The following IFT88 variants were observed in gnomAD, a reference collection of about 807,000 sequenced individuals.
IFT88 encodes intraflagellar transport 88, also known as intraflagellar transport protein 88 homolog.
In IFT88, 74 loss-of-function variants were observed where a neutral mutation model predicts 119.5. That is an observed-to-expected ratio of 0.62 (90% CI 0.51 to 0.75). The LOEUF (loss-of-function observed/expected upper bound fraction) is 0.75, where lower values mean the gene tolerates loss of function less well. Among genes scored for constraint, IFT88 ranks in the 30% least tolerant of loss-of-function variants. IFT88 has a pLI of 0.00. For missense variants in IFT88, 961 were observed against 977.7 expected (o/e 0.98, Z 0.23); for synonymous variants, 279 against 316.7 (o/e 0.88, Z 1.26).
intron 3 of IFT88, 27 bp from the exon 4 acceptor site, chr13:20,589,784 T>G: frequency 6.5e-7 from 1 of 1,540,126 alleles, no homozygotes; most frequent in South Asian, 1.2e-5. Context: ...CTGAATCCTG[T>G]TAACTATGTT....
intron 24 of IFT88, among the ~76,000 whole-genome samples, chr13:20,684,324 C>T (rs888510684): frequency 2.0e-5 from 3 of 152,158 alleles, no homozygotes; most frequent in African/African-American, 4.8e-5. Context: ...AGTCAGGCCA[C>T]TCTTTTTCTT....
At position 20,568,021 on chromosome 13, in the gene IFT88, A is replaced by G. The variant is rs1383673140; in HGVS notation, c.-7+765A>G. The G allele has an allele frequency of 4.2e-6, 3 of 713,760 alleles. No individual in the cohort carries two copies. In the South Asian group the frequency reaches 4.4e-5, roughly 11 times the overall value. The allele number at this position is 713,760 out of a possible 1,614,324, so 44.2% of individuals were successfully genotyped here. A position where few individuals can be genotyped will look rare whatever the true frequency, so the allele number is the denominator to read the frequency against. On this transcript the variant is annotated intron_variant, in intron 1 of 25. Transcript: ENST00000351808. ...AGGTAGCCGATGAGCTTTAAAAAAA[A>G]TCGCAAAAAAGAATCTCATAATGCT...
rs535765815 is a variant in IFT88 at position 20,599,825 on chromosome 13, T to C, written c.812+260T>C. On this transcript the variant is annotated intron_variant, in intron 11 of 25. Coordinates refer to ENST00000351808, the MANE Select transcript of IFT88 (RefSeq NM_006531.5). Reference sequence around the variant, plus strand: ...AGGGGTTAACCCTGAAGGCCATTACTACCCTGATATAACTTAATGCGGACA... The same window carrying C: ...AGGGGTTAACCCTGAAGGCCATTACCACCCTGATATAACTTAATGCGGACA... Among the ~76,000 whole-genome samples the C allele has an allele frequency of 2.6e-5, 4 of 152,282 alleles. No individual in the cohort carries two copies. In the East Asian group the frequency reaches 7.7e-4, roughly 29 times the overall value.
At chr13:20,658,520 G>C (rs1272206800) in intron 22 of IFT88, among the ~76,000 whole-genome samples, 2 of 152,168 alleles carry the variant, frequency 1.3e-5, no homozygotes, top group Non-Finnish European at 2.9e-5. Flanking sequence ...TCACATTAGA[G>C]AACTAGTGCT....
In IFT88 at chr13:20,626,043, C is replaced by CTTTTTTTTTTTTTT. The variant is rs528587128; in HGVS notation, c.1299+216_1299+229dup. Among the ~76,000 whole-genome samples, 8 of 39,576 alleles carry CTTTTTTTTTTTTTT rather than the reference C, an allele frequency of 2.0e-4. 2 individuals are homozygous for CTTTTTTTTTTTTTT. The highest frequency in any genetic ancestry group is 8.2e-4 in the African/African-American group (7 of 8,584). The allele number at this position is 39,576 out of a possible 152,430, so 26.0% of individuals were successfully genotyped here. On this transcript the variant is annotated intron_variant, in intron 15 of 25. Coordinates refer to ENST00000351808, the MANE Select transcript of IFT88 (RefSeq NM_006531.5). ...ATTAATTTTTGCCTGTTTGTCGTTT[C>CTTTTTTTTTTTTTT]TTTTTTTTTTTTTTTTTTTTTTTTT...
chr13:20,568,751 G>T (rs962065705), intron 1 of IFT88, among the ~76,000 whole-genome samples: 2 of 151,814 alleles, frequency 1.3e-5, no homozygotes, highest in East Asian at 3.9e-4. Context: ...GGAGTCGCAC[G>T]CTCTGTTGCC....
At chr13:20,580,440 C>G (rs2038341674) in intron 2 of IFT88, among the ~76,000 whole-genome samples, 1 of 152,000 alleles carries the variant, frequency 6.6e-6, no homozygotes, top group South Asian at 2.1e-4. Context: ...TAGCTTGAAC[C>G]CAGCAGGTGG....
chr13:20,591,163 G>A, intron 5 of IFT88, 143 bp downstream of exon 5: 1 of 640,546 alleles, frequency 1.6e-6, no homozygotes. Context: ...TAAATTGTGG[G>A]CTAAAGTCTA....
chr13:20,651,415 C>G (rs1231005997), intron 20 of IFT88, among the ~76,000 whole-genome samples: 1 of 145,756 alleles, frequency 6.9e-6, no homozygotes, highest in African/African-American at 2.5e-5. Context: ...TCAAACAGAT[C>G]AGATACTTAC....
intron 9 of IFT88, among the ~76,000 whole-genome samples, chr13:20,597,548 TC>T (rs1428844259): frequency 2.2e-4 from 33 of 151,958 alleles, no homozygotes; most frequent in Non-Finnish European, 8.8e-5. Flanking sequence ...ATCGAGACCA[TC>T]CTGGCTAACA....
intron 5 of IFT88, among the ~76,000 whole-genome samples, chr13:20,591,242 T>C (rs1039485524): frequency 2.6e-5 from 4 of 152,286 alleles, no homozygotes; most frequent in South Asian, 4.1e-4. Context: ...TGAATTCCCA[T>C]TGGGGTGTGG....
At chr13:20,615,313 A>G (rs746831791) in intron 13 of IFT88, among the ~76,000 whole-genome samples, 1 of 152,188 alleles carries the variant, frequency 6.6e-6, no homozygotes, top group Non-Finnish European at 1.5e-5. Flanking sequence ...AACCTTGACG[A>G]TAACACATTT....
At position 20,601,766 on chromosome 13, in the gene IFT88, A is replaced by G. The variant is rs549484080; in HGVS notation, c.874A>G (p.Ile292Val). The G allele has an allele frequency of 3.5e-5, 56 of 1,613,178 alleles. No homozygotes were observed. The East Asian group carries it at 1.0e-3, about 30-fold the overall frequency. Residue 292 changes from isoleucine (I) to valine (V), a missense_variant, in exon 12 of 26, where the codon ATT (isoleucine) becomes GTT (valine). Coordinates refer to ENST00000351808, the MANE Select transcript of IFT88 (RefSeq NM_006531.5). ...FIQAGQYSDAINSYEHIMSMA... is the reference protein window; with the variant it reads ...FIQAGQYSDAVNSYEHIMSMA... ...TCAGGCTGGTCAGTATTCAGATGCT[A>G]TTAATTCATATGAGCACATAATGAG...
intron 14 of IFT88, among the ~76,000 whole-genome samples, chr13:20,616,830 T>G (rs2045699016): frequency 2.0e-5 from 3 of 152,204 alleles, no homozygotes. Flanking sequence ...TGATACAGCA[T>G]TACAGCACCT....
chr13:20,630,983 A>C, intron 15 of IFT88, 33 bp from the exon 16 acceptor site: 1 of 1,220,444 alleles, frequency 8.2e-7, no homozygotes, highest in Non-Finnish European at 1.2e-6. Context: ...GTCATATTAC[A>C]GTGGTAGTAA....
intron 7 of IFT88, among the ~76,000 whole-genome samples, chr13:20,594,043 C>G (rs2041206149): frequency 6.6e-6 from 1 of 150,940 alleles, no homozygotes; most frequent in African/African-American, 2.4e-5. Flanking sequence ...AGAGCGAGAC[C>G]CTGTCTCAAA....
rs567303868 is a variant in IFT88 at position 20,682,034 on chromosome 13, A to G, written c.2243-8671A>G. On this transcript the variant is annotated intron_variant, in intron 24 of 25. Coordinates refer to ENST00000351808, the MANE Select transcript of IFT88 (RefSeq NM_006531.5). ...CGGAAAGTGATTATCAAGAACACCT[A>G]CGAAATCAGCTAAATGGGTTTGCCA... Among the ~76,000 whole-genome samples, 12 of 152,378 alleles carry G rather than the reference A, an allele frequency of 7.9e-5. No individual in the cohort carries two copies. The East Asian group carries it at 2.3e-3, about 29-fold the overall frequency.
At chr13:20,640,571 A>AAAATAAATAAATAAATAAATAAATAAAT (rs57789982) in intron 17 of IFT88, among the ~76,000 whole-genome samples, 2 of 144,242 alleles carry the variant, frequency 1.4e-5, no homozygotes, top group Non-Finnish European at 3.0e-5. Flanking sequence ...ACTCCGTCTC[A>AAAATAAATAAATAAATAAATAAATAAAT]AAATAAATAA....
At position 20,643,392 on chromosome 13, in the gene IFT88, T is replaced by C. The variant is rs150283788; in HGVS notation, c.1683-63T>C. On this transcript the variant is annotated intron_variant, in intron 18 of 25. Coordinates refer to ENST00000351808, the MANE Select transcript of IFT88 (RefSeq NM_006531.5). ...AGAAATATTGTTACTGTAATGTTTTTTAAGTTTGCTTATTGCTTAATGAAT... is the reference window on the plus strand; with the variant it reads ...AGAAATATTGTTACTGTAATGTTTTCTAAGTTTGCTTATTGCTTAATGAAT... 1,531 of 1,285,174 alleles carry C rather than the reference T, an allele frequency of 1.2e-3. 11 individuals are homozygous for C. The African/African-American group carries it at 0.014, about 11-fold the overall frequency. The allele number at this position is 1,285,174 out of a possible 1,614,324, so 79.6% of individuals were successfully genotyped here.
Sources: allele counts gnomAD v4.1 joint callset (sites outside exome capture counted in the v4.1 genomes callset), GRCh38; gene constraint gnomAD v4.1.1; transcripts MANE v1.5; gene names NCBI Gene and HGNC (gene_info 2026-07-23, HGNC 2026-07-21).